TTC17: variants seen among roughly 807,000 people sequenced by gnomAD.
The protein encoded by TTC17 is tetratricopeptide repeat domain 17, also known as tetratricopeptide repeat protein 17.
Under a neutral mutation model 143.8 loss-of-function variants are expected in TTC17, and 58 were observed. The ratio of observed to expected loss-of-function variants is 0.40; its 90% CI spans 0.33 to 0.50. The LOEUF is 0.50. Among genes scored for constraint, TTC17 ranks in the 20% least tolerant of loss-of-function variants. The probability of loss-of-function intolerance (pLI) is 0.49; values close to 1 mark genes in which losing one functional copy is unlikely to be tolerated. For missense variants in TTC17, 1,273 were observed against 1,392.5 expected, an observed-to-expected ratio of 0.91 and a Z score of 1.37; for synonymous variants, 501 against 497.8, an observed-to-expected ratio of 1.01 and a Z score of -0.09.
In TTC17 at chr11:43,358,980, G is replaced by C; in HGVS notation, c.26G>C (p.Gly9Ala). ...ATGGCGGCGGCAGTAGGGGTTCGTGGCCGGTACGAGCTGCCGCCTTGCTCC... is the reference window on the plus strand; with the variant it reads ...ATGGCGGCGGCAGTAGGGGTTCGTGCCCGGTACGAGCTGCCGCCTTGCTCC... Reference protein sequence around the residue: MAAAVGVRGRYELPPCSGP... With the variant: MAAAVGVRARYELPPCSGP... The change falls in exon 1 of 24, where the codon GGC becomes GCC. Residue 9 changes from glycine (G) to alanine (A), a missense_variant. Gly to Ala is a moderately conservative substitution (Grantham distance 60). Around this residue, in one of 3 missense-constraint regions of TTC17, gnomAD observed 70 missense variants for 48.5 expected, o/e 1.44. Coordinates refer to ENST00000039989, the MANE Select transcript of TTC17 (RefSeq NM_018259.6). 1 of 1,579,692 alleles carries C rather than the reference G, an allele frequency of 6.3e-7. No homozygotes were observed. The highest frequency in any genetic ancestry group is 8.6e-7 in the Non-Finnish European group (1 of 1,163,630).
intron 21 of TTC17, among the ~76,000 whole-genome samples, chr11:43,460,565 T>G (rs1947846367): frequency 6.6e-6 from 1 of 152,204 alleles, no homozygotes; most frequent in Admixed American, 6.5e-5. Context: ...CCAAATACTA[T>G]TTCAGTTATC....
intron 16 of TTC17, among the ~76,000 whole-genome samples, chr11:43,434,418 A>G (rs963877177): frequency 2.0e-5 from 3 of 152,156 alleles, no homozygotes; most frequent in Middle Eastern, 3.2e-3. Context: ...GGCGGGGGGA[A>G]GCCTAGAAGC....
intron 3 of TTC17, 68 bp downstream of exon 3, chr11:43,389,889 A>G (rs1478078904): frequency 1.4e-6 from 2 of 1,421,292 alleles, no homozygotes. Flanking sequence ...ATTAGTAAGA[A>G]ATTATTTCTG....
chr11:43,419,440 T>G (rs1946849471), intron 16 of TTC17, among the ~76,000 whole-genome samples: 7 of 152,218 alleles, frequency 4.6e-5, no homozygotes, highest in Admixed American at 3.3e-4. Context: ...GCCTGTAGTT[T>G]TAGTCTGTGT....
chr11:43,453,801 T>C (rs1947710966), intron 21 of TTC17, among the ~76,000 whole-genome samples: 1 of 152,174 alleles, frequency 6.6e-6, no homozygotes, highest in Admixed American at 6.5e-5. Context: ...GAAAATACCA[T>C]AGGTCGAAAT....
At chr11:43,483,852 A>G (rs934258706) in intron 21 of TTC17, among the ~76,000 whole-genome samples, 15 of 152,230 alleles carry the variant, frequency 9.9e-5, no homozygotes, top group Admixed American at 2.0e-4. Flanking sequence ...ATCAATAAAA[A>G]GAAATTAGGC....
chr11:43,368,635 CTT>C (rs1399416772), intron 1 of TTC17, among the ~76,000 whole-genome samples: 1 of 152,226 alleles, frequency 6.6e-6, no homozygotes, highest in Non-Finnish European at 1.5e-5. Flanking sequence ...CTTGCTTCTA[CTT>C]TTGTCCCCTA....
intron 11 of TTC17, among the ~76,000 whole-genome samples, chr11:43,404,944 A>G (rs1341066936): frequency 1.5e-4 from 23 of 152,196 alleles, no homozygotes. Context: ...AGGCTTATGT[A>G]TGCTTTCAGG....
intron 16 of TTC17, among the ~76,000 whole-genome samples, chr11:43,427,505 C>G (rs1373034422): frequency 6.6e-6 from 1 of 152,184 alleles, no homozygotes; most frequent in Non-Finnish European, 1.5e-5. Flanking sequence ...TGACTACATA[C>G]ATCCTGCTTT....
Position 43,476,702 on chromosome 11 carries a change from C to T in TTC17, c.3031-13537C>T, listed in dbSNP as rs528750617. 1.0e-3 allele frequency among the ~76,000 whole-genome samples: 152 copies of T among 152,338 alleles called. 2 individuals are homozygous for T. Among genetic ancestry groups the T allele is most frequent in the Middle Eastern group, 6.8e-3 (2 of 294 alleles). On this transcript the variant is annotated intron_variant, in intron 21 of 23. Transcript: ENST00000039989. ...GAAGGCACCAAGTCTCTAGGCTGCA[C>T]GCAGCACGGGGACCCTGGGCCCAGC... is the stretch of plus-strand genomic sequence containing the variant.
At chr11:43,406,017 G>A in intron 13 of TTC17, 66 bp downstream of exon 13, 2 of 1,518,360 alleles carry the variant, frequency 1.3e-6, no homozygotes, top group Admixed American at 2.3e-5. Flanking sequence ...CCTCTTAAAT[G>A]GAACAAAAAA....
chr11:43,381,892 A>G (rs1301857698), intron 2 of TTC17, among the ~76,000 whole-genome samples: 2 of 152,166 alleles, frequency 1.3e-5, no homozygotes, highest in Non-Finnish European at 2.9e-5. Context: ...AGACTGAAGG[A>G]GGTACAGGAT....
At chr11:43,492,326 G>GT (rs776146151) in intron 23 of TTC17, among the ~76,000 whole-genome samples, 163 bp downstream of exon 23, 1 of 152,164 alleles carries the variant, frequency 6.6e-6, no homozygotes, top group Non-Finnish European at 1.5e-5. Flanking sequence ...GGTTCGAGAG[G>GT]TTTTTTAAAA....
rs767837046 is a variant in TTC17 at position 43,451,171 on chromosome 11, C to T, written c.2947-11C>T. 3 of 1,612,278 alleles carry T rather than the reference C, an allele frequency of 1.9e-6. No homozygotes were observed. Among genetic ancestry groups the T allele is most frequent in the Non-Finnish European group, 2.5e-6 (3 of 1,178,480 alleles). ...TTCATTCTTCTAATCTACTATCTTC[C>T]TTCCTTCCAGGTATTACAAAATCTC... On this transcript the variant is annotated splice_polypyrimidine_tract_variant and intron_variant, in intron 20 of 23. Coordinates refer to ENST00000039989, the MANE Select transcript of TTC17 (RefSeq NM_018259.6).
chr11:43,473,062 C>G (rs1321047135), intron 21 of TTC17, among the ~76,000 whole-genome samples: 2 of 151,698 alleles, frequency 1.3e-5, no homozygotes, highest in African/African-American at 4.8e-5. Context: ...GTAATCCCAG[C>G]TACTTGGGAG....
At chr11:43,416,619 A>G (rs1340323127) in intron 16 of TTC17, among the ~76,000 whole-genome samples, 3 of 152,170 alleles carry the variant, frequency 2.0e-5, no homozygotes, top group African/African-American at 4.8e-5. Context: ...AATTCAGAGA[A>G]TATTATTGGG....
In TTC17 at chr11:43,383,890, G is replaced by C. The variant is rs1056762298; in HGVS notation, c.249+4568G>C. On this transcript the variant is annotated intron_variant, in intron 2 of 23. Transcript: ENST00000039989. ...ACTAAAATAATAGACATGCAGGCCAGGTGTGGTGGCCCACACCTGTAATCC... is the reference window on the plus strand; with the variant it reads ...ACTAAAATAATAGACATGCAGGCCACGTGTGGTGGCCCACACCTGTAATCC... Among the ~76,000 whole-genome samples, 3 of 152,012 alleles carry C rather than the reference G, an allele frequency of 2.0e-5. No homozygotes were observed. The East Asian group carries it at 5.8e-4, about 29-fold the overall frequency.
chr11:43,415,857 A>G (rs537594757), intron 16 of TTC17, among the ~76,000 whole-genome samples: 1 of 152,308 alleles, frequency 6.6e-6, no homozygotes, highest in East Asian at 1.9e-4. Flanking sequence ...TGTTGATCAC[A>G]ATCTGAATTA....
chr11:43,473,223 A>G (rs1948123811), intron 21 of TTC17, among the ~76,000 whole-genome samples: 3 of 152,176 alleles, frequency 2.0e-5, no homozygotes, highest in African/African-American at 7.2e-5. Flanking sequence ...AACATTAAGC[A>G]CTACACCTCT....
Sources: allele counts gnomAD v4.1 joint callset (sites outside exome capture counted in the v4.1 genomes callset), GRCh38; gene constraint gnomAD v4.1.1; regional missense constraint gnomAD v4.1.1; transcripts MANE v1.5; gene names NCBI Gene and HGNC (gene_info 2026-07-23, HGNC 2026-07-21).